NCOA3: variants seen among roughly 807,000 people sequenced by gnomAD.
NCOA3 encodes nuclear receptor coactivator 3, also known as CBP-interacting protein.
In NCOA3, 51 loss-of-function variants were observed where a neutral mutation model predicts 158.8. That is an observed-to-expected ratio of 0.32 (90% confidence interval 0.26 to 0.41). The LOEUF is 0.41. NCOA3 is among the 10% of genes least tolerant of loss of function. The probability of loss-of-function intolerance (pLI) is 1.00; values close to 1 mark genes in which losing one functional copy is unlikely to be tolerated. For synonymous variants in NCOA3, 537 were observed against 592.4 expected (o/e 0.91, Z 1.36); for missense variants, 1,510 against 1,746.6 (o/e 0.86, Z 2.41).
intron 1 of NCOA3, among the ~76,000 whole-genome samples, chr20:47,549,087 A>G (rs1478743984): frequency 1.3e-5 from 2 of 152,086 alleles, no homozygotes; most frequent in Admixed American, 6.6e-5. Flanking sequence ...CACGTTGCCT[A>G]GGGTGGTCTC....
intron 1 of NCOA3, among the ~76,000 whole-genome samples, chr20:47,506,643 A>G (rs979242697): frequency 6.6e-6 from 1 of 152,246 alleles, no homozygotes; most frequent in Non-Finnish European, 1.5e-5. Context: ...GCCTAAAGGC[A>G]AAGGAAAGGA....
In NCOA3 at chr20:47,531,879, G is replaced by C. The variant is rs139225171; in HGVS notation, c.-99+29860G>C. ...TTACCTTTGGAAGCTTCTTTACTGC[G>C]TGTGTTCTCTGCTCCTGTCAGATTG... On this transcript the variant is annotated intron_variant, in intron 1 of 22. Coordinates refer to ENST00000371998, the MANE Select transcript of NCOA3 (RefSeq NM_181659.3). 3.7e-3 allele frequency among the ~76,000 whole-genome samples: 560 copies of C among 152,096 alleles called. 2 individuals carry two copies. The highest frequency in any genetic ancestry group is 5.4e-3 in the Non-Finnish European group (366 of 68,002).
At chr20:47,647,990 C>T (rs2086719727) in intron 18 of NCOA3, among the ~76,000 whole-genome samples, 1 of 147,438 alleles carries the variant, frequency 6.8e-6, no homozygotes, top group Non-Finnish European at 1.5e-5. Context: ...TCTTGGCTTA[C>T]TGCAACCTCC....
chr20:47,632,234 A>G (rs2086430382), intron 8 of NCOA3, among the ~76,000 whole-genome samples: 2 of 152,202 alleles, frequency 1.3e-5, no homozygotes. Context: ...ACAACTCAGG[A>G]ATATCTCAAT....
At chr20:47,643,660 T>G (rs192142121) in intron 17 of NCOA3, among the ~76,000 whole-genome samples, 209 of 152,242 alleles carry the variant, frequency 1.4e-3, no homozygotes, top group African/African-American at 4.8e-3. Context: ...CTGTCTTGAT[T>G]TACTCCTTTG....
intron 1 of NCOA3, among the ~76,000 whole-genome samples, chr20:47,573,601 C>G (rs6066390): frequency 6.6e-6 from 1 of 152,030 alleles, no homozygotes; most frequent in Non-Finnish European, 1.5e-5. Context: ...TTGTAAAAAG[C>G]GCAATATCTG....
chr20:47,640,403 G>A (rs1354745612), intron 16 of NCOA3, among the ~76,000 whole-genome samples: 1 of 152,188 alleles, frequency 6.6e-6, no homozygotes, highest in Non-Finnish European at 1.5e-5. Flanking sequence ...ATGTTCTTCA[G>A]AGGGTTAGCC....
intron 2 of NCOA3, among the ~76,000 whole-genome samples, chr20:47,612,968 C>T (rs1206851119): frequency 6.6e-6 from 1 of 152,190 alleles, no homozygotes; most frequent in East Asian, 1.9e-4. Flanking sequence ...AGTTCTAGCA[C>T]TCTAGTCTCT....
chr20:47,647,493 G>A, intron 18 of NCOA3, 127 bp downstream of exon 18: 2 of 871,786 alleles, frequency 2.3e-6, no homozygotes, highest in South Asian at 3.7e-5. Context: ...TTTTACTTCT[G>A]TGTAAGGTTT....
At chr20:47,535,593 C>T (rs2084619631) in intron 1 of NCOA3, among the ~76,000 whole-genome samples, 1 of 151,908 alleles carries the variant, frequency 6.6e-6, no homozygotes, top group Non-Finnish European at 1.5e-5. Flanking sequence ...CTGCAGCCTC[C>T]TCCTCCCAGG....
At chr20:47,532,535 A>G (rs2084563336) in intron 1 of NCOA3, among the ~76,000 whole-genome samples, 1 of 152,174 alleles carries the variant, frequency 6.6e-6, no homozygotes, top group African/African-American at 2.4e-5. Context: ...ATGGGATCTC[A>G]TTATATTGCC....
intron 1 of NCOA3, among the ~76,000 whole-genome samples, chr20:47,569,102 GC>G (rs2085249866): frequency 6.6e-6 from 1 of 152,018 alleles, no homozygotes; most frequent in East Asian, 1.9e-4. Flanking sequence ...GATCACTTGA[GC>G]CCAGGAGTTC....
At chr20:47,642,424 G>A in intron 17 of NCOA3, 40 bp downstream of exon 17, 1 of 1,485,270 alleles carries the variant, frequency 6.7e-7, no homozygotes, top group Non-Finnish European at 9.1e-7. Flanking sequence ...GTGTATATTT[G>A]TGTGTGTGCG....
rs1202011360 is a variant in NCOA3 at position 47,623,769 on chromosome 20, CAA to C, written c.84-141_84-140del. 8.2e-6 allele frequency: 6 copies of C among 729,674 alleles called. No individual in the cohort carries two copies. The African/African-American group carries it at 9.6e-5, about 12-fold the overall frequency. The allele number at this position is 729,674 out of a possible 1,614,324, so 45.2% of individuals were successfully genotyped here. A position where few individuals can be genotyped will look rare whatever the true frequency, so the allele number is the denominator to read the frequency against. On this transcript the variant is annotated intron_variant, in intron 3 of 22. Transcript: ENST00000371998. ...CACCGTTGTACTCCAGCCTGGGCAACAAGAGCGAAAACTCTGTCTCGAGGAAA... is the reference window on the plus strand; with the variant it reads ...CACCGTTGTACTCCAGCCTGGGCAACGAGCGAAAACTCTGTCTCGAGGAAA...
At chr20:47,538,904 G>A (rs2084677895) in intron 1 of NCOA3, among the ~76,000 whole-genome samples, 1 of 152,212 alleles carries the variant, frequency 6.6e-6, no homozygotes, top group South Asian at 2.1e-4. Flanking sequence ...TGGAGAAGAT[G>A]TTATATTCTC....
At chr20:47,570,786 A>G (rs768544088) in intron 1 of NCOA3, among the ~76,000 whole-genome samples, 5 of 151,916 alleles carry the variant, frequency 3.3e-5, no homozygotes, top group Non-Finnish European at 7.4e-5. Context: ...TATGTCTTAA[A>G]TAGTAATACT....
Position 47,636,657 on chromosome 20 carries a change from C to T in NCOA3, c.2271C>T (p.Pro757=), listed in dbSNP as rs771273517. ...PSDALSKELQ[P]QVEGVDNKMS... is the part of the protein sequence containing the mutation. ...ATGCACTCTCTAAAGAACTACAGCC[C>T]CAAGTGGAAGGAGTGGATAATAAAA... Residue 757 remains proline (P), a synonymous_variant, in exon 12 of 23, where the codon CCC becomes CCT. Coordinates refer to ENST00000371998, the MANE Select transcript of NCOA3 (RefSeq NM_181659.3). The T allele has an allele frequency of 9.3e-6, 15 of 1,614,108 alleles. No homozygotes were observed. The highest frequency in any genetic ancestry group is 1.3e-5 in the Non-Finnish European group (15 of 1,180,022).
chr20:47,553,873 C>CTTTA (rs1242477052), intron 1 of NCOA3, among the ~76,000 whole-genome samples: 2 of 152,154 alleles, frequency 1.3e-5, no homozygotes, highest in African/African-American at 4.8e-5. Flanking sequence ...GTGCATGTGT[C>CTTTA]TTTATAGCAG....
rs11473989 is a variant in NCOA3, at chr20:47,585,046, C to CTTTTTTTT, written c.-20+1803_-20+1810dup. On this transcript the variant is annotated intron_variant, in intron 2 of 22. Coordinates refer to ENST00000371998, the MANE Select transcript of NCOA3 (RefSeq NM_181659.3). ...ACATTTCATCTAACCCCTTTCTTAA[C>CTTTTTTTT]TTTTTTTTTTTTTTTTTTTTTTTTT... is the stretch of plus-strand genomic sequence containing the variant. 4.9e-4 allele frequency among the ~76,000 whole-genome samples: 45 copies of CTTTTTTTT among 91,340 alleles called. 1 individual carries two copies. Among genetic ancestry groups the CTTTTTTTT allele is most frequent in the Non-Finnish European group, 6.9e-4 (35 of 50,660 alleles). 59.9% of individuals were successfully genotyped at this position (91,340 alleles called of 152,430 possible). A position where few individuals can be genotyped will look rare whatever the true frequency, so the allele number is the denominator to read the frequency against.
Sources: allele counts gnomAD v4.1 joint callset (sites outside exome capture counted in the v4.1 genomes callset), GRCh38; gene constraint gnomAD v4.1.1; transcripts MANE v1.5; gene names NCBI Gene and HGNC (gene_info 2026-07-23, HGNC 2026-07-21).